ALDH1A1: variants seen among roughly 807,000 people sequenced by gnomAD.
The protein encoded by ALDH1A1 is aldehyde dehydrogenase 1A1.
Under a neutral mutation model 62.1 loss-of-function variants are expected in ALDH1A1, and 19 were observed. That is an observed-to-expected ratio of 0.31 (90% CI 0.21 to 0.45). The LOEUF (loss-of-function observed/expected upper bound fraction) is 0.45. Ranked by LOEUF, ALDH1A1 falls within the 20% of genes least tolerant of loss-of-function variation. The pLI is 1.00. For missense variants in ALDH1A1, 521 were observed against 607.1 expected (o/e 0.86, Z 1.49); for synonymous variants, 231 against 215.9 (o/e 1.07, Z -0.61).
At chr9:72,950,289 C>T (rs1393707330) in intron 1 of ALDH1A1, among the ~76,000 whole-genome samples, 1 of 151,874 alleles carries the variant, frequency 6.6e-6, no homozygotes, top group Non-Finnish European at 1.5e-5. Context: ...AGTAATGTAG[C>T]TTGCCCAATG....
intron 12 of ALDH1A1, among the ~76,000 whole-genome samples, chr9:72,903,134 C>T (rs1829828704): frequency 6.6e-6 from 1 of 152,008 alleles, no homozygotes; most frequent in Non-Finnish European, 1.5e-5. Flanking sequence ...CATTAGTTTA[C>T]ACTTCCTTGC....
At chr9:72,924,239 G>GA in intron 6 of ALDH1A1, 107 bp from the exon 7 acceptor site, 2 of 687,576 alleles carry the variant, frequency 2.9e-6, no homozygotes, top group Non-Finnish European at 4.8e-6. Context: ...AGATGCTCTA[G>GA]AAAAAAATAA....
At chr9:72,934,703 G>T (rs1830327395) in intron 2 of ALDH1A1, among the ~76,000 whole-genome samples, 1 of 152,088 alleles carries the variant, frequency 6.6e-6, no homozygotes, top group Non-Finnish European at 1.5e-5. Context: ...CTTGATGATG[G>T]CTACTAGCTA....
intron 12 of ALDH1A1, among the ~76,000 whole-genome samples, chr9:72,904,331 A>G (rs1829846597): frequency 6.6e-6 from 1 of 152,104 alleles, no homozygotes; most frequent in South Asian, 2.1e-4. Flanking sequence ...TCTAAGTCAA[A>G]TTTCTTAAAT....
intron 12 of ALDH1A1, among the ~76,000 whole-genome samples, chr9:72,905,458 T>C (rs1829866581): frequency 6.6e-6 from 1 of 152,102 alleles, no homozygotes; most frequent in South Asian, 2.1e-4. Flanking sequence ...CTTATGGTAA[T>C]AAAAAATGTT....
At chr9:72,906,906 G>A (rs1323213767) in intron 11 of ALDH1A1, among the ~76,000 whole-genome samples, 2 of 152,118 alleles carry the variant, frequency 1.3e-5, no homozygotes, top group Non-Finnish European at 2.9e-5. Context: ...TGGAGACTGA[G>A]GCAGGAGGAT....
At chr9:72,908,559 GAAAGAAAGA>G (rs1207000428) in intron 11 of ALDH1A1, among the ~76,000 whole-genome samples, 509 of 8,484 alleles carry the variant, frequency 0.06, 2 homozygotes, top group Non-Finnish European at 0.095. Context: ...AAAGAAGAAA[GAAAGAAAGA>G]AAGAAAGAAA....
chr9:72,908,614 AGAAAGAAAGAAAGAG>A (rs1829934098), intron 11 of ALDH1A1, among the ~76,000 whole-genome samples: 1 of 136,228 alleles, frequency 7.3e-6, no homozygotes, highest in Admixed American at 7.5e-5. Flanking sequence ...AAAGAAAGAA[AGAAAGAAAGAAAGAG>A]AATATTGCAT....
intron 12 of ALDH1A1, among the ~76,000 whole-genome samples, chr9:72,903,755 T>C (rs1271137289): frequency 6.6e-6 from 1 of 152,058 alleles, no homozygotes; most frequent in Non-Finnish European, 1.5e-5. Context: ...CACCTTAAAG[T>C]CTGACCAAAT....
At chr9:72,941,783 A>G (rs348448) in intron 1 of ALDH1A1, among the ~76,000 whole-genome samples, 136,084 of 152,224 alleles carry the variant, frequency 0.89, 61,445 homozygotes, top group East Asian at 0.96. Flanking sequence ...ATTCATGCCA[A>G]TATAATTTTC....
chr9:72,905,806 A>C, intron 12 of ALDH1A1, 152 bp downstream of exon 12: 1 of 611,266 alleles, frequency 1.6e-6, no homozygotes, highest in Non-Finnish European at 2.8e-6. Flanking sequence ...TATGGAGTAC[A>C]TCCCACATTT....
intron 11 of ALDH1A1, among the ~76,000 whole-genome samples, chr9:72,906,549 T>G (rs974402921): frequency 2.0e-5 from 3 of 152,190 alleles, no homozygotes; most frequent in African/African-American, 7.2e-5. Flanking sequence ...TGGCAGGAGT[T>G]GGGTTTAATT....
At chr9:72,947,137 C>T (rs184723792) in intron 1 of ALDH1A1, among the ~76,000 whole-genome samples, 70 of 151,974 alleles carry the variant, frequency 4.6e-4, no homozygotes, top group African/African-American at 1.6e-3. Context: ...AACAACTTGC[C>T]AAGACAGCAG....
chr9:72,928,847 C>A, intron 4 of ALDH1A1, 45 bp downstream of exon 4: 1 of 1,582,740 alleles, frequency 6.3e-7, no homozygotes, highest in Non-Finnish European at 8.6e-7. Flanking sequence ...ATAGTAAACT[C>A]CTCGCTCCTA....
intron 11 of ALDH1A1, among the ~76,000 whole-genome samples, chr9:72,908,390 G>A (rs528864988): frequency 3.5e-5 from 4 of 114,022 alleles, no homozygotes; most frequent in Admixed American, 1.3e-4. Flanking sequence ...ATCCAAGATC[G>A]CACCATTGCA....
Position 72,931,700 on chromosome 9 carries a change from T to C in ALDH1A1, c.172-681A>G, listed in dbSNP as rs76813644. On this transcript the variant is annotated intron_variant, in intron 2 of 12. Transcript: ENST00000297785. ...TAGAAACATGTGCTCATTCCTCTTGTGCAGAGGGAACAGGGCATGGAAATA... is the reference window on the plus strand; with the variant it reads ...TAGAAACATGTGCTCATTCCTCTTGCGCAGAGGGAACAGGGCATGGAAATA... 2.3e-3 allele frequency among the ~76,000 whole-genome samples: 352 copies of C among 152,338 alleles called. 1 individual carries two copies. The highest frequency in any genetic ancestry group is 3.5e-3 in the Non-Finnish European group (235 of 68,026).
intron 6 of ALDH1A1, 31 bp from the exon 7 acceptor site, chr9:72,924,163 A>G (rs1400474168): frequency 1.1e-5 from 16 of 1,470,868 alleles, no homozygotes; most frequent in Non-Finnish European, 1.5e-5. Context: ...AAGTTACAGT[A>G]TAAGAATTTA....
At chr9:72,919,847 C>T (rs2118518666) in intron 7 of ALDH1A1, among the ~76,000 whole-genome samples, 1 of 152,280 alleles carries the variant, frequency 6.6e-6, no homozygotes, top group East Asian at 1.9e-4. Flanking sequence ...CTAGTTTTCC[C>T]TTTTCAGAGG....
intron 7 of ALDH1A1, among the ~76,000 whole-genome samples, chr9:72,922,306 G>C (rs148640379): frequency 4.6e-5 from 7 of 152,284 alleles, no homozygotes; most frequent in African/African-American, 1.7e-4. Flanking sequence ...CACACTGCTA[G>C]GAGGGGTAGA....
Sources: allele counts gnomAD v4.1 joint callset (sites outside exome capture counted in the v4.1 genomes callset), GRCh38; gene constraint gnomAD v4.1.1; transcripts MANE v1.5; gene names NCBI Gene and HGNC (gene_info 2026-07-23, HGNC 2026-07-21).